The following FLRT2 variants were observed in gnomAD, a reference collection of about 807,000 sequenced individuals.
FLRT2 encodes the protein fibronectin leucine rich transmembrane protein 2, also known as leucine-rich repeat transmembrane protein FLRT2.
A neutral mutation model predicts 40.0 loss-of-function variants in FLRT2; 15 were observed. The ratio of observed to expected loss-of-function variants is 0.38; its 90% confidence interval spans 0.25 to 0.58. The LOEUF is 0.58. Ranked by LOEUF, FLRT2 falls within the 20% of genes least tolerant of loss-of-function variation. The pLI, the probability that FLRT2 is intolerant of heterozygous loss-of-function variation, is 0.71. For missense variants in FLRT2, 726 were observed against 840.0 expected (o/e 0.86, Z 1.68); for synonymous variants, 380 against 336.8 (o/e 1.13, Z -1.41).
chr14:85,650,801 G>A lies in FLRT2; in HGVS notation c.*27304G>A, dbSNP rs920301326. On this transcript the variant is annotated 3_prime_UTR_variant, in exon 2 of 2. Coordinates refer to ENST00000330753, the MANE Select transcript of FLRT2 (RefSeq NM_013231.6). ...TTCATATTCTCTATACATGCTGAATGGTGTTAGCTAGCTATATTCTTTGCA... is the reference window on the plus strand; with the variant it reads ...TTCATATTCTCTATACATGCTGAATAGTGTTAGCTAGCTATATTCTTTGCA... 1.3e-5 allele frequency: 2 copies of A among 151,120 alleles called. No homozygotes were observed. Among genetic ancestry groups the A allele is most frequent in the African/African-American group, 2.4e-5 (1 of 41,106 alleles). The allele number at this position is 151,120 out of a possible 1,614,324, so 9.4% of individuals were successfully genotyped here. A position where few individuals can be genotyped will look rare whatever the true frequency, so the allele number is the denominator to read the frequency against.
At chr14:85,616,439 C>T (rs1470159991) in intron 1 of FLRT2, among the ~76,000 whole-genome samples, 5 of 152,054 alleles carry the variant, frequency 3.3e-5, no homozygotes, top group East Asian at 1.9e-4. Flanking sequence ...AACATGAGTT[C>T]GTTTAATATC....
Position 85,628,011 on chromosome 14 carries a change from A to C in FLRT2, c.*4514A>C. On this transcript the variant is annotated 3_prime_UTR_variant, in exon 2 of 2. Coordinates refer to ENST00000330753, the MANE Select transcript of FLRT2 (RefSeq NM_013231.6). ...GAAGAAATGACGCAGGAGGGCAGGA[A>C]TAAAAGAGGTAATAGGACTTTCGTA... is the stretch of plus-strand genomic sequence containing the variant. 1 of 163,648 alleles carries C rather than the reference A, an allele frequency of 6.1e-6. No individual in the cohort carries two copies. The highest frequency in any genetic ancestry group is 1.5e-5 in the Non-Finnish European group (1 of 68,112). 10.1% of individuals were successfully genotyped at this position (163,648 alleles called of 1,614,324 possible).
In FLRT2 at chr14:85,634,463, T is replaced by G. The variant is rs2139389596; in HGVS notation, c.*10966T>G. The G allele has an allele frequency of 6.6e-6, 1 of 152,298 alleles. No homozygotes were observed. Among genetic ancestry groups the G allele is most frequent in the East Asian group, 1.9e-4 (1 of 5,180 alleles). The allele number at this position is 152,298 out of a possible 1,614,324, so 9.4% of individuals were successfully genotyped here. On this transcript the variant is annotated 3_prime_UTR_variant, in exon 2 of 2. Transcript: ENST00000330753. ...GCATGCTTTACTAGTGTATCTGAAG[T>G]AAGGAGGAAGCAGGAAGTGAGCTGT...
Position 85,623,637 on chromosome 14 carries a change from C to A in FLRT2, c.*140C>A. On this transcript the variant is annotated 3_prime_UTR_variant, in exon 2 of 2. Coordinates refer to ENST00000330753, the MANE Select transcript of FLRT2 (RefSeq NM_013231.6). ...GCATTTGAATACTCTGTAATTTATACGGTGTACTATATAATGGGATTTAAA... is the reference window on the plus strand; with the variant it reads ...GCATTTGAATACTCTGTAATTTATAAGGTGTACTATATAATGGGATTTAAA... 1.6e-6 allele frequency: 1 copy of A among 619,896 alleles called. No homozygotes were observed. Among genetic ancestry groups the A allele is most frequent in the East Asian group, 3.1e-5 (1 of 32,774 alleles). The allele number at this position is 619,896 out of a possible 1,614,324, so 38.4% of individuals were successfully genotyped here.
intron 1 of FLRT2, among the ~76,000 whole-genome samples, chr14:85,608,628 A>G (rs1197483982): frequency 6.6e-6 from 1 of 152,162 alleles, no homozygotes; most frequent in Non-Finnish European, 1.5e-5. Flanking sequence ...AACTCTAGCA[A>G]TATTCGTGAG....
rs564396516 is a variant in FLRT2, at chr14:85,576,193, C to T, written c.-376-44946C>T. Among the ~76,000 whole-genome samples, 4 of 152,236 alleles carry T rather than the reference C, an allele frequency of 2.6e-5. No individual in the cohort carries two copies. The South Asian group carries it at 6.2e-4, about 24-fold the overall frequency. On this transcript the variant is annotated intron_variant, in intron 1 of 1. Transcript: ENST00000330753. ...ATTTGAAATTCTGGCTGACCGTGGC[C>T]GCCTCAAAAACTCATGACCTCAGTT...
chr14:85,537,818 C>G lies in FLRT2; in HGVS notation c.-377+7284C>G, dbSNP rs1457971282. Among the ~76,000 whole-genome samples the G allele has an allele frequency of 2.0e-5, 3 of 148,698 alleles. No individual in the cohort carries two copies. In the Admixed American group the frequency reaches 2.0e-4, roughly 10 times the overall value. On this transcript the variant is annotated intron_variant, in intron 1 of 1. Coordinates refer to ENST00000330753, the MANE Select transcript of FLRT2 (RefSeq NM_013231.6). ...ATCAGTGGTATTTTGAGTACATGGT[C>G]AAAATCTGTTAGAACCTTCATGTTT...
chr14:85,554,003 T>C (rs1179218582), intron 1 of FLRT2, among the ~76,000 whole-genome samples: 1 of 152,186 alleles, frequency 6.6e-6, no homozygotes, highest in Non-Finnish European at 1.5e-5. Context: ...GGGTTTACAC[T>C]GGAAAGAAAA....
At chr14:85,536,606 G>C (rs912902088) in intron 1 of FLRT2, among the ~76,000 whole-genome samples, 1 of 149,242 alleles carries the variant, frequency 6.7e-6, no homozygotes, top group Non-Finnish European at 1.5e-5. Flanking sequence ...GTCCATTAGT[G>C]ACCTCTATCT....
At chr14:85,554,810 T>C (rs541581458) in intron 1 of FLRT2, among the ~76,000 whole-genome samples, 1 of 152,294 alleles carries the variant, frequency 6.6e-6, no homozygotes, top group South Asian at 2.1e-4. Context: ...GGGAGAACAA[T>C]TCTGTCTGTA....
rs1893509638 is a variant in FLRT2 at position 85,623,241 on chromosome 14, A to G, written c.1727A>G (p.Lys576Arg). The G allele has an allele frequency of 6.6e-7, 1 of 1,520,136 alleles. No homozygotes were observed. Among genetic ancestry groups the G allele is most frequent in the Non-Finnish European group, 8.8e-7 (1 of 1,134,894 alleles). 94.2% of individuals were successfully genotyped at this position (1,520,136 alleles called of 1,614,324 possible). A position where few individuals can be genotyped will look rare whatever the true frequency, so the allele number is the denominator to read the frequency against. ...AAAAAGGGGCGCTACACCTCCCAGAAGTGGAAATACAACCGGGGCCGGCGG... is the reference window on the plus strand; with the variant it reads ...AAAAAGGGGCGCTACACCTCCCAGAGGTGGAAATACAACCGGGGCCGGCGG... ...MHKKGRYTSQKWKYNRGRRKD... is the reference protein window; with the variant it reads ...MHKKGRYTSQRWKYNRGRRKD... Residue 576 changes from lysine (K) to arginine (R), a missense_variant, in exon 2 of 2, where the codon AAG becomes AGG. Transcript: ENST00000330753.
chr14:85,582,476 GC>G (rs1312480077), intron 1 of FLRT2, among the ~76,000 whole-genome samples: 1 of 152,120 alleles, frequency 6.6e-6, no homozygotes, highest in Non-Finnish European at 1.5e-5. Flanking sequence ...CTAGAATTAG[GC>G]CAGTCAGAGT....
chr14:85,546,614 C>T (rs1263160376), intron 1 of FLRT2, among the ~76,000 whole-genome samples: 2 of 152,156 alleles, frequency 1.3e-5, no homozygotes, highest in African/African-American at 4.8e-5. Context: ...TTGGGTAGAA[C>T]CGAAACGCTT....
chr14:85,543,484 C>T (rs1029790220), intron 1 of FLRT2, among the ~76,000 whole-genome samples: 8 of 151,844 alleles, frequency 5.3e-5, no homozygotes, highest in African/African-American at 1.9e-4. Flanking sequence ...TCAGTGTCCC[C>T]TAAACCATTG....
rs1566774412 is a variant in FLRT2, at chr14:85,643,307, C to CTTTCTTTCTTTA, written c.*19821_*19822insATTTCTTTCTTT. On this transcript the variant is annotated 3_prime_UTR_variant, in exon 2 of 2. Coordinates refer to ENST00000330753, the MANE Select transcript of FLRT2 (RefSeq NM_013231.6). ...ATTTCTTTTTTTTCTTTCTTTCTTT[C>CTTTCTTTCTTTA]TTTCTTTCTTTCTTTCTTTCTTTCT... 7.3e-5 allele frequency: 7 copies of CTTTCTTTCTTTA among 95,290 alleles called. No individual in the cohort carries two copies. The highest frequency in any genetic ancestry group is 2.4e-4 in the African/African-American group (5 of 20,998). 5.9% of individuals were successfully genotyped at this position (95,290 alleles called of 1,614,324 possible).
intron 1 of FLRT2, among the ~76,000 whole-genome samples, chr14:85,563,273 G>A (rs1303291947): frequency 6.6e-6 from 1 of 152,094 alleles, no homozygotes; most frequent in Non-Finnish European, 1.5e-5. Context: ...CTTCCTAATG[G>A]TGAGATTGGA....
intron 1 of FLRT2, among the ~76,000 whole-genome samples, chr14:85,557,094 T>A (rs2139836608): frequency 6.6e-6 from 1 of 152,160 alleles, no homozygotes; most frequent in East Asian, 1.9e-4. Flanking sequence ...TTCCACTGGG[T>A]CCCTCCCACA....
intron 1 of FLRT2, among the ~76,000 whole-genome samples, chr14:85,618,193 C>G (rs780460425): frequency 1.3e-5 from 2 of 152,152 alleles, no homozygotes; most frequent in Non-Finnish European, 2.9e-5. Flanking sequence ...AAGCAAACAC[C>G]ATCATCCTCA....
chr14:85,550,086 G>T (rs1316896372), intron 1 of FLRT2, among the ~76,000 whole-genome samples: 3 of 151,824 alleles, frequency 2.0e-5, no homozygotes, highest in Non-Finnish European at 4.4e-5. Context: ...CTCAAAAACA[G>T]CAGGCATCGT....
Sources: allele counts gnomAD v4.1 joint callset (sites outside exome capture counted in the v4.1 genomes callset), GRCh38; gene constraint gnomAD v4.1.1; transcripts MANE v1.5; gene names NCBI Gene and HGNC (gene_info 2026-07-23, HGNC 2026-07-21).